Variants in ASTN2 observed in about 807,000 individuals in gnomAD.
ASTN2 encodes the protein astrotactin-2.
Under a neutral mutation model 139.8 loss-of-function variants are expected in ASTN2, and 54 were observed. The ratio of observed to expected loss-of-function variants is 0.39; its 90% CI spans 0.31 to 0.48. The LOEUF (loss-of-function observed/expected upper bound fraction) is 0.48, where lower values mean the gene tolerates loss of function less well. Among genes scored for constraint, ASTN2 ranks in the 20% least tolerant of loss-of-function variants. The pLI is 0.95. For synonymous variants in ASTN2, 756 were observed against 719.5 expected (o/e 1.05, Z -0.81); for missense variants, 1,565 against 1,725.1 (o/e 0.91, Z 1.64).
At chr9:116,733,546 T>G in intron 13 of ASTN2, 23 bp from the exon 14 acceptor site, 1 of 1,613,722 alleles carries the variant, frequency 6.2e-7, no homozygotes, top group East Asian at 2.2e-5. Context: ...GCAGAGAGAC[T>G]GCCAAATCGA....
chr9:116,437,459 C>G (rs1330571537), intron 22 of ASTN2: 1 of 471,226 alleles, frequency 2.1e-6, no homozygotes, highest in Non-Finnish European at 4.4e-6. Flanking sequence ...CAGACAGTGG[C>G]TGGTGACTGC....
intron 1 of ASTN2, among the ~76,000 whole-genome samples, chr9:117,322,977 C>G (rs527810884): frequency 6.6e-6 from 1 of 152,154 alleles, no homozygotes; most frequent in East Asian, 1.9e-4. Flanking sequence ...TCCTTCTACT[C>G]TCCTAGAGTC....
chr9:117,294,681 C>A (rs1337706471), intron 1 of ASTN2, among the ~76,000 whole-genome samples: 2 of 152,202 alleles, frequency 1.3e-5, no homozygotes. Context: ...ACTGTCCATA[C>A]ACATACACAC....
chr9:117,070,628 C>G lies in ASTN2; in HGVS notation c.1276+25416G>C, dbSNP rs372462537. Among the ~76,000 whole-genome samples, 415 of 140,432 alleles carry G rather than the reference C, an allele frequency of 3.0e-3. 6 individuals are homozygous for G. The highest frequency in any genetic ancestry group is 0.01 in the African/African-American group (384 of 37,016). 92.1% of individuals were successfully genotyped at this position (140,432 alleles called of 152,430 possible). A position where few individuals can be genotyped will look rare whatever the true frequency, so the allele number is the denominator to read the frequency against. ...GTTTTCCAACTTGGTTCCATTCTCC[C>G]CATCACTTTCAGGTACACCAATGAG... On this transcript the variant is annotated intron_variant, in intron 5 of 22. Coordinates refer to ENST00000313400, the MANE Select transcript of ASTN2 (RefSeq NM_001365068.1).
At chr9:117,212,546 T>C (rs2133017259) in intron 3 of ASTN2, among the ~76,000 whole-genome samples, 2 of 151,840 alleles carry the variant, frequency 1.3e-5, no homozygotes, top group South Asian at 4.2e-4. Context: ...TACAAGAGAC[T>C]CAAACATTCC....
At chr9:116,920,815 T>C (rs1474314625) in intron 10 of ASTN2, among the ~76,000 whole-genome samples, 1 of 152,126 alleles carries the variant, frequency 6.6e-6, no homozygotes, top group Non-Finnish European at 1.5e-5. Flanking sequence ...CTCCTAGAGG[T>C]TAAGTTACCT....
chr9:117,052,745 T>C (rs1838950478), intron 5 of ASTN2, among the ~76,000 whole-genome samples: 1 of 152,222 alleles, frequency 6.6e-6, no homozygotes, highest in South Asian at 2.1e-4. Context: ...ACATTGTTTC[T>C]CATAGCAACC....
intron 19 of ASTN2, among the ~76,000 whole-genome samples, chr9:116,556,457 T>C (rs1852620925): frequency 6.6e-6 from 1 of 152,166 alleles, no homozygotes; most frequent in South Asian, 2.1e-4. Flanking sequence ...CAGACTCCAC[T>C]TAATTTTTCG....
chr9:117,386,083 C>T (rs1233951311), intron 1 of ASTN2, among the ~76,000 whole-genome samples: 2 of 152,094 alleles, frequency 1.3e-5, no homozygotes, highest in African/African-American at 4.8e-5. Flanking sequence ...GCTAAGGTTA[C>T]CTTCTTAACT....
intron 10 of ASTN2, among the ~76,000 whole-genome samples, chr9:116,952,013 G>T (rs1238577688): frequency 6.6e-6 from 1 of 152,184 alleles, no homozygotes; most frequent in Admixed American, 6.5e-5. Flanking sequence ...TGTGGTCAAA[G>T]CCTGTGGGTT....
chr9:117,000,547 G>C (rs1837165201), intron 7 of ASTN2, among the ~76,000 whole-genome samples: 2 of 152,220 alleles, frequency 1.3e-5, no homozygotes, highest in Admixed American at 1.3e-4. Context: ...TGATATTCTT[G>C]AGAGTCAAAG....
At chr9:116,822,683 T>C (rs1462725313) in intron 11 of ASTN2, among the ~76,000 whole-genome samples, 2 of 152,168 alleles carry the variant, frequency 1.3e-5, no homozygotes, top group Non-Finnish European at 2.9e-5. Context: ...TTCACTAAGC[T>C]CCAGGTTTTA....
chr9:116,426,961 A>G (rs1847328770), intron 22 of ASTN2, among the ~76,000 whole-genome samples: 1 of 152,222 alleles, frequency 6.6e-6, no homozygotes, highest in Non-Finnish European at 1.5e-5. Flanking sequence ...GCTGAAGACC[A>G]GCCTTACCAA....
chr9:117,348,011 G>A (rs12552343), intron 1 of ASTN2, among the ~76,000 whole-genome samples: 35,766 of 152,138 alleles, frequency 0.24, 4,815 homozygotes, highest in East Asian at 0.39. Flanking sequence ...CAGATAAGAA[G>A]ATTACACTTA....
chr9:116,676,435 T>C (rs1859504939), intron 16 of ASTN2, among the ~76,000 whole-genome samples: 1 of 152,214 alleles, frequency 6.6e-6, no homozygotes, highest in African/African-American at 2.4e-5. Context: ...CCTACAAGCC[T>C]GCTTTTCAAG....
chr9:117,382,711 G>A (rs1322983987), intron 1 of ASTN2, among the ~76,000 whole-genome samples: 1 of 152,144 alleles, frequency 6.6e-6, no homozygotes, highest in Non-Finnish European at 1.5e-5. Context: ...AGGCCCAGCA[G>A]GAAAATAGAC....
At chr9:116,957,663 A>G (rs1020600533) in intron 10 of ASTN2, among the ~76,000 whole-genome samples, 16 of 152,140 alleles carry the variant, frequency 1.1e-4, no homozygotes, top group African/African-American at 3.9e-4. Flanking sequence ...TCATGATTAG[A>G]TTCAGATTAT....
chr9:116,714,658 A>G (rs1056805500), intron 16 of ASTN2, among the ~76,000 whole-genome samples: 3 of 152,216 alleles, frequency 2.0e-5, no homozygotes, highest in Non-Finnish European at 2.9e-5. Context: ...CAGATGACAC[A>G]TAGCTTCTTA....
At chr9:117,181,848 T>C (rs1313473334) in intron 3 of ASTN2, among the ~76,000 whole-genome samples, 6 of 152,224 alleles carry the variant, frequency 3.9e-5, no homozygotes, top group Non-Finnish European at 5.9e-5. Flanking sequence ...CCTTTCTTTC[T>C]TTCCTCTCTC....
Sources: allele counts gnomAD v4.1 joint callset (sites outside exome capture counted in the v4.1 genomes callset), GRCh38; gene constraint gnomAD v4.1.1; transcripts MANE v1.5; gene names NCBI Gene and HGNC (gene_info 2026-07-23, HGNC 2026-07-21).